The following RYR3 variants were observed in gnomAD, a reference collection of about 807,000 sequenced individuals.
RYR3 encodes brain ryanodine receptor-calcium release channel.
RYR3 carries 207 observed loss-of-function variants against 584.3 expected under a neutral mutation model. That is an observed-to-expected ratio of 0.35 (90% CI 0.32 to 0.40). RYR3 has a LOEUF of 0.40. RYR3 is among the 10% of genes least tolerant of loss of function. The probability of loss-of-function intolerance (pLI) is 1.00; values close to 1 mark genes in which losing one functional copy is unlikely to be tolerated. For missense variants in RYR3, 5,616 were observed against 6,089.2 expected, an observed-to-expected ratio of 0.92 and a Z score of 2.59; for synonymous variants, 2,416 against 2,248.5, an observed-to-expected ratio of 1.07 and a Z score of -2.11.
At chr15:33,779,536 A>G (rs1162603730) in intron 64 of RYR3, among the ~76,000 whole-genome samples, 3 of 152,230 alleles carry the variant, frequency 2.0e-5, no homozygotes, top group African/African-American at 4.8e-5. Flanking sequence ...ACTAGTGGAC[A>G]CAGGCTCCAT....
In RYR3 at chr15:33,336,458, G is replaced by A. The variant is rs1233379797; in HGVS notation, c.51+25362G>A. 1.3e-4 allele frequency among the ~76,000 whole-genome samples: 4 copies of A among 30,444 alleles called. 1 individual carries two copies. The highest frequency in any genetic ancestry group is 6.7e-4 in the African/African-American group (2 of 3,002). The allele number at this position is 30,444 out of a possible 152,430, so 20.0% of individuals were successfully genotyped here. On this transcript the variant is annotated intron_variant, in intron 1 of 103. Transcript: ENST00000634891. ...AGAAAGAAAGAGAGAGAGAGAGAGA[G>A]AGAGAGAGAGAGAGAGAGAGAGAGA...
intron 1 of RYR3, among the ~76,000 whole-genome samples, chr15:33,378,313 A>C (rs2040902215): frequency 6.6e-6 from 1 of 152,170 alleles, no homozygotes; most frequent in Non-Finnish European, 1.5e-5. Flanking sequence ...AAACTGAAAC[A>C]GCTCCATGTC....
chr15:33,434,954 A>G (rs2045528072), intron 1 of RYR3, among the ~76,000 whole-genome samples: 1 of 151,996 alleles, frequency 6.6e-6, no homozygotes, highest in Non-Finnish European at 1.5e-5. Flanking sequence ...AGTAGCTGGG[A>G]CTACAGGTGC....
At chr15:33,334,970 A>G (rs1460489647) in intron 1 of RYR3, among the ~76,000 whole-genome samples, 1 of 152,224 alleles carries the variant, frequency 6.6e-6, no homozygotes, top group Non-Finnish European at 1.5e-5. Flanking sequence ...AATCAAAACC[A>G]CAATGAGATA....
intron 58 of RYR3, 29 bp downstream of exon 58, chr15:33,755,209 G>A (rs76911447): frequency 8.3e-7 from 1 of 1,201,704 alleles, no homozygotes; most frequent in Non-Finnish European, 1.2e-6. Flanking sequence ...TAACCCAAAA[G>A]AATTCAATAT....
intron 1 of RYR3, among the ~76,000 whole-genome samples, chr15:33,368,898 C>A (rs1406701748): frequency 1.3e-5 from 2 of 152,118 alleles, no homozygotes; most frequent in Non-Finnish European, 2.9e-5. Context: ...GAAAACTTTA[C>A]CTGCTTCAAT....
In RYR3 at chr15:33,769,153, G is replaced by T. The variant is rs1458988005; in HGVS notation, c.8797G>T (p.Ala2933Ser). ...TTMVSCLHIL[A>S]QTLDTRTVMK... ...AATGGTGAGCTGTCTTCACATCTTA[G>T]CTCAGACACTTGACACAAGGTAAGT... Residue 2933 changes from alanine to serine, a missense_variant, in exon 62 of 104, where the codon GCT becomes TCT. Ala to Ser is a moderately conservative substitution (Grantham distance 99, BLOSUM62 1). This residue lies in a region of RYR3 where 1,280 missense variants were observed against 1,426.2 expected (regional missense o/e 0.90). Coordinates refer to ENST00000634891, the MANE Select transcript of RYR3 (RefSeq NM_001036.6). 6.2e-7 allele frequency: 1 copy of T among 1,613,398 alleles called. No homozygotes were observed. Among genetic ancestry groups the T allele is most frequent in the South Asian group, 1.1e-5 (1 of 91,070 alleles).
chr15:33,725,178 C>CACACACACACACACACACACACATAT (rs1567030883), intron 45 of RYR3, among the ~76,000 whole-genome samples: 3 of 120,838 alleles, frequency 2.5e-5, no homozygotes, highest in Non-Finnish European at 3.7e-5. Flanking sequence ...CACACACACA[C>CACACACACACACACACACACACATAT]ACACACACAC....
At chr15:33,837,401 G>A (rs2078114286) in intron 88 of RYR3, among the ~76,000 whole-genome samples, 1 of 152,116 alleles carries the variant, frequency 6.6e-6, no homozygotes, top group African/African-American at 2.4e-5. Context: ...CCAGGCCCCA[G>A]GCCATGTTAA....
intron 12 of RYR3, 120 bp from the exon 13 acceptor site, chr15:33,579,856 C>T (rs758684268): frequency 3.6e-5 from 21 of 585,494 alleles, no homozygotes; most frequent in African/African-American, 2.6e-4. Context: ...GTACAGTGGC[C>T]GCCCAAGGAA....
At chr15:33,692,717 T>C (rs2065527468) in intron 38 of RYR3, among the ~76,000 whole-genome samples, 1 of 151,666 alleles carries the variant, frequency 6.6e-6, no homozygotes, top group Admixed American at 6.6e-5. Flanking sequence ...GGACAAAGAA[T>C]GGAGTGGCAG....
chr15:33,800,127 G>A (rs1470711014), intron 67 of RYR3, among the ~76,000 whole-genome samples: 1 of 152,028 alleles, frequency 6.6e-6, no homozygotes, highest in African/African-American at 2.4e-5. Flanking sequence ...CTATTTTTTT[G>A]TTTTATGAGT....
intron 3 of RYR3, among the ~76,000 whole-genome samples, chr15:33,511,246 A>G (rs189192953): frequency 6.6e-6 from 1 of 151,746 alleles, no homozygotes; most frequent in East Asian, 1.9e-4. Context: ...GGAAAAACAA[A>G]CTTTTACATT....
chr15:33,835,464 A>T (rs1054316128), intron 87 of RYR3, among the ~76,000 whole-genome samples: 20 of 149,516 alleles, frequency 1.3e-4, no homozygotes, highest in African/African-American at 4.2e-4. Context: ...CTTCTCTCTC[A>T]CTCCTGCTTC....
intron 27 of RYR3, among the ~76,000 whole-genome samples, chr15:33,639,923 C>T (rs771582665): frequency 3.3e-5 from 5 of 152,210 alleles, no homozygotes; most frequent in Non-Finnish European, 7.3e-5. Context: ...TATTAGCCTT[C>T]TCTTTTCCTC....
intron 3 of RYR3, among the ~76,000 whole-genome samples, chr15:33,516,697 T>G (rs1186945580): frequency 6.6e-6 from 1 of 151,994 alleles, no homozygotes; most frequent in Non-Finnish European, 1.5e-5. Flanking sequence ...CCAAATCCAA[T>G]TTTTTCTTAC....
At chr15:33,835,149 T>A in intron 87 of RYR3, 77 bp downstream of exon 87, 1 of 1,112,190 alleles carries the variant, frequency 9.0e-7, no homozygotes, top group Non-Finnish European at 1.3e-6. Context: ...GTTCCCATTG[T>A]GATGTGGCTG....
intron 87 of RYR3, 42 bp from the exon 88 acceptor site, chr15:33,836,864 A>G: frequency 1.3e-6 from 2 of 1,525,352 alleles, no homozygotes; most frequent in Non-Finnish European, 1.8e-6. Flanking sequence ...TACTTTACTG[A>G]GGGATCAGAT....
rs759190039 is a variant in RYR3, at chr15:33,670,422, T to C, written c.5726T>C (p.Val1909Ala). 3 of 1,591,666 alleles carry C rather than the reference T, an allele frequency of 1.9e-6. No individual in the cohort carries two copies. Among genetic ancestry groups the C allele is most frequent in the African/African-American group, 1.3e-5 (1 of 74,074 alleles). ...ACCCTGTTCTGTGGCTTGCTAGGGG[T>C]TCCTTTGGAAGAAGAGGAAGAGGAG... is the stretch of plus-strand genomic sequence containing the variant. ...FHEDLLLHCG[V>A]PLEEEEEEEE... Residue 1909 changes from valine to alanine, a missense_variant, in exon 38 of 104, where the codon GTT becomes GCT. Val to Ala is a moderately conservative substitution (Grantham distance 64). Around this residue, in one of 9 missense-constraint regions of RYR3, gnomAD observed 1,280 missense variants for 1,426.2 expected, o/e 0.90. Transcript: ENST00000634891.
Sources: gnomAD v4.1 joint callset for allele counts (sites outside exome capture counted in the v4.1 genomes callset) on GRCh38, gnomAD v4.1.1 for gene constraint, gnomAD v4.1.1 regional missense constraint, MANE v1.5 for transcripts, NCBI Gene and HGNC (gene_info 2026-07-23, HGNC 2026-07-21) for gene names.